KANK1: variants seen among roughly 807,000 people sequenced by gnomAD.
KANK1 encodes the protein KN motif and ankyrin repeat domain-containing protein 1.
A neutral mutation model predicts 106.2 loss-of-function variants in KANK1; 109 were observed. The observed-to-expected ratio is 1.03, with a 90% CI of 0.88 to 1.20. The LOEUF (loss-of-function observed/expected upper bound fraction) is 1.20, where lower values mean the gene tolerates loss of function less well. KANK1 is among the 50% of genes most tolerant of loss of function. The pLI is 0.00. For synonymous variants in KANK1, 873 were observed against 652.2 expected (o/e 1.34, Z -5.16); for missense variants, 2,399 against 1,710.7 (o/e 1.40, Z -7.10).
At chr9:636,212 G>A (rs1181333709) in intron 1 of KANK1, among the ~76,000 whole-genome samples, 1 of 152,134 alleles carries the variant, frequency 6.6e-6, no homozygotes, top group Admixed American at 6.5e-5. Flanking sequence ...TCTAGTGGCG[G>A]CCAGGTTGAG....
At chr9:728,703 TG>T (rs1831405768) in intron 3 of KANK1, among the ~76,000 whole-genome samples, 1 of 152,222 alleles carries the variant, frequency 6.6e-6, no homozygotes, top group Non-Finnish European at 1.5e-5. Flanking sequence ...AGATGAAGCC[TG>T]CTACCTGGAG....
At chr9:562,982 T>A in intron 1 of KANK1, among the ~76,000 whole-genome samples, 1 of 152,198 alleles carries the variant, frequency 6.6e-6, no homozygotes. Context: ...TGCTATTCAT[T>A]CTTACAAGCA....
At chr9:579,893 G>C (rs538887484) in intron 1 of KANK1, among the ~76,000 whole-genome samples, 1 of 152,270 alleles carries the variant, frequency 6.6e-6, no homozygotes, top group African/African-American at 2.4e-5. Context: ...GTCCTGGATT[G>C]TGCTGAATTT....
Position 744,573 on chromosome 9 carries a change from C to G in KANK1, c.3980C>G (p.Ala1327Gly). 6.2e-7 allele frequency: 1 copy of G among 1,614,156 alleles called. No homozygotes were observed. Among genetic ancestry groups the G allele is most frequent in the African/African-American group, 1.3e-5 (1 of 75,038 alleles). ...CTTCTGTATGCCCATGTCAACTTTG[C>G]AAAAGCCCAGTCTCCGGTCAGTGTT... ...AVLLYAHVNFAKAQSPGTPRL... is the reference protein window; with the variant it reads ...AVLLYAHVNFGKAQSPGTPRL... Residue 1327 changes from alanine to glycine, a missense_variant, in exon 11 of 12, where the codon GCA becomes GGA. Coordinates refer to ENST00000382297, the MANE Select transcript of KANK1 (RefSeq NM_015158.5).
chr9:611,250 G>C (rs1588234727), intron 1 of KANK1, among the ~76,000 whole-genome samples: 1 of 152,160 alleles, frequency 6.6e-6, no homozygotes, highest in Non-Finnish European at 1.5e-5. Flanking sequence ...GCAAACTAAA[G>C]AATCTTTTAG....
At chr9:485,787 C>A (rs1036946697) in intron 3 of KANK1, among the ~76,000 whole-genome samples, 2 of 151,270 alleles carry the variant, frequency 1.3e-5, no homozygotes, top group East Asian at 1.9e-4. Flanking sequence ...AGGAGAATCG[C>A]TTGAACCTGG....
rs1826745603 is a variant in KANK1 at position 713,361 on chromosome 9, G to A, written c.2595G>A (p.Gln865=). The A allele has an allele frequency of 5.0e-6, 8 of 1,614,184 alleles. No homozygotes were observed. Among genetic ancestry groups the A allele is most frequent in the Non-Finnish European group, 6.8e-6 (8 of 1,180,032 alleles). ...CACAGATGGGCTCCCTCAACTCTCA[G>A]CTCATCAGCACCCTGTCGTCTATCA... ...PHSQMGSLNS[Q]LISTLSSINS... The change falls in exon 3 of 12, where the codon CAG becomes CAA. Residue 865 remains glutamine, a synonymous_variant. Transcript: ENST00000382297.
intron 1 of KANK1, among the ~76,000 whole-genome samples, chr9:559,374 GGAT>G (rs1348983398): frequency 6.7e-6 from 1 of 150,280 alleles, no homozygotes; most frequent in Non-Finnish European, 1.5e-5. Context: ...AAAACTTGAA[GGAT>G]GATGACTTTT....
At chr9:493,320 A>G (rs1470430944) in intron 3 of KANK1, among the ~76,000 whole-genome samples, 1 of 152,148 alleles carries the variant, frequency 6.6e-6, no homozygotes, top group African/African-American at 2.4e-5. Context: ...TTTGCCAGCA[A>G]CCATGTGAGT....
intron 1 of KANK1, among the ~76,000 whole-genome samples, chr9:523,194 C>T (rs1307587728): frequency 2.0e-5 from 3 of 151,674 alleles, no homozygotes; most frequent in South Asian, 2.1e-4. Flanking sequence ...GTGGCCACCT[C>T]AAATTCAACG....
rs1831219817 is a variant in KANK1, at chr9:728,093, C to T, written c.2699-1958C>T. 2.6e-5 allele frequency among the ~76,000 whole-genome samples: 4 copies of T among 152,160 alleles called. No individual in the cohort carries two copies. The South Asian group carries it at 8.3e-4, about 31-fold the overall frequency. ...TACCAATAAGATAACAAATTCCAAC[C>T]TGACTCTCCTATAGCATCACATGAC... On this transcript the variant is annotated intron_variant, in intron 3 of 11. Transcript: ENST00000382297.
chr9:569,825 G>T (rs1374073148), intron 1 of KANK1, among the ~76,000 whole-genome samples: 2 of 151,302 alleles, frequency 1.3e-5, no homozygotes, highest in African/African-American at 2.4e-5. Context: ...AAACAGATTG[G>T]GTGTTTTTTT....
chr9:667,345 G>GT (rs771050932), intron 1 of KANK1, among the ~76,000 whole-genome samples: 48 of 150,278 alleles, frequency 3.2e-4, no homozygotes, highest in Non-Finnish European at 3.1e-4. Context: ...AGTTTTGTCA[G>GT]TTTTTTTTTA....
At chr9:600,608 G>A (rs1827496486) in intron 1 of KANK1, among the ~76,000 whole-genome samples, 2 of 151,830 alleles carry the variant, frequency 1.3e-5, no homozygotes, top group Admixed American at 1.3e-4. Flanking sequence ...ATATTAGTAG[G>A]TGAGGAAACA....
chr9:617,950 T>C (rs1328721133), intron 1 of KANK1, among the ~76,000 whole-genome samples: 1 of 152,112 alleles, frequency 6.6e-6, no homozygotes, highest in African/African-American at 2.4e-5. Flanking sequence ...TCAGTAACAT[T>C]TATGGAACCA....
intron 1 of KANK1, among the ~76,000 whole-genome samples, chr9:512,605 T>C (rs542462302): frequency 2.6e-5 from 4 of 152,256 alleles, no homozygotes; most frequent in South Asian, 2.1e-4. Context: ...AGTTGGAAGC[T>C]TCATGGCCTT....
intron 1 of KANK1, among the ~76,000 whole-genome samples, chr9:507,786 G>A (rs1563687116): frequency 6.6e-6 from 1 of 152,100 alleles, no homozygotes; most frequent in African/African-American, 2.4e-5. Flanking sequence ...TCAATCTCTT[G>A]ACATCGTGAT....
chr9:696,841 GA>G (rs545568722), intron 2 of KANK1, among the ~76,000 whole-genome samples: 163 of 152,132 alleles, frequency 1.1e-3, no homozygotes, highest in Non-Finnish European at 1.7e-3. Context: ...ATCTGCCCCT[GA>G]AAACAGGCTG....
intron 1 of KANK1, among the ~76,000 whole-genome samples, chr9:521,788 G>C (rs1481181934): frequency 6.6e-6 from 1 of 151,382 alleles, no homozygotes; most frequent in Admixed American, 6.6e-5. Flanking sequence ...GGCTGGTCTC[G>C]AACTCCTGAC....
Sources: gnomAD v4.1 joint callset for allele counts (sites outside exome capture counted in the v4.1 genomes callset) on GRCh38, gnomAD v4.1.1 for gene constraint, MANE v1.5 for transcripts, NCBI Gene and HGNC (gene_info 2026-07-23, HGNC 2026-07-21) for gene names.